ARHGAP8: variants seen among roughly 807,000 people sequenced by gnomAD.
ARHGAP8 encodes Rho GTPase activating protein 8.
A neutral mutation model predicts 46.1 loss-of-function variants in ARHGAP8; 62 were observed. The observed-to-expected ratio is 1.34, with a 90% CI of 1.10 to 1.66. The LOEUF is 1.66. ARHGAP8 is among the 40% of genes most tolerant of loss of function. The pLI, the probability that ARHGAP8 is intolerant of heterozygous loss-of-function variation, is 0.00. For missense variants in ARHGAP8, 923 were observed against 568.4 expected (o/e 1.62, Z -6.34); for synonymous variants, 375 against 243.1 (o/e 1.54, Z -5.05).
At position 44,763,659 on chromosome 22, in the gene ARHGAP8, G is replaced by A. The variant is rs140385408; in HGVS notation, c.-72+11032G>A. On this transcript the variant is annotated intron_variant, in intron 1 of 11. Coordinates refer to ENST00000356099, the MANE Select transcript of ARHGAP8 (RefSeq NM_181335.3). ...AAGGACAGGGCATTTGTAGATCAGG[G>A]TATTGAAATGGAAGTGCAAATGGAG... 4.4e-3 allele frequency among the ~76,000 whole-genome samples: 672 copies of A among 152,180 alleles called. 1 individual carries two copies. Among genetic ancestry groups the A allele is most frequent in the Middle Eastern group, 0.014 (4 of 294 alleles).
chr22:44,854,023 TCAAAAAAAAAA>T (rs1358308368), intron 10 of ARHGAP8, among the ~76,000 whole-genome samples: 5 of 24,908 alleles, frequency 2.0e-4, no homozygotes, highest in African/African-American at 3.0e-4. Context: ...AGACTCTGTC[TCAAAAAAAAAA>T]AAAAAAAAAA....
intron 7 of ARHGAP8, among the ~76,000 whole-genome samples, chr22:44,831,378 G>T (rs1003046886): frequency 6.6e-6 from 1 of 152,162 alleles, no homozygotes; most frequent in African/African-American, 2.4e-5. Flanking sequence ...TTCTTTGCGT[G>T]TTGTTACAGC....
In ARHGAP8 at chr22:44,804,928, G is replaced by A. The variant is rs148170591; in HGVS notation, c.167+2764G>A. ...CAGTGCACCAGTGCTGCTGCTGCAC[G>A]GCGAGACCTGCAGGATTCATGGGGC... is the stretch of plus-strand genomic sequence containing the variant. On this transcript the variant is annotated intron_variant, in intron 3 of 11. Coordinates refer to ENST00000356099, the MANE Select transcript of ARHGAP8 (RefSeq NM_181335.3). Among the ~76,000 whole-genome samples, 1,209 of 152,280 alleles carry A rather than the reference G, an allele frequency of 7.9e-3. 22 individuals carry two copies. Among genetic ancestry groups the A allele is most frequent in the African/African-American group, 0.028 (1,151 of 41,548 alleles).
At chr22:44,753,667 A>C (rs755363491) in intron 1 of ARHGAP8, among the ~76,000 whole-genome samples, 5 of 152,108 alleles carry the variant, frequency 3.3e-5, no homozygotes, top group Non-Finnish European at 5.9e-5. Flanking sequence ...CCTGACTTGG[A>C]AATTTCTCCG....
chr22:44,762,863 G>A (rs538022116), intron 1 of ARHGAP8, among the ~76,000 whole-genome samples: 20 of 152,110 alleles, frequency 1.3e-4, no homozygotes, highest in Admixed American at 2.6e-4. Context: ...TCTCTTGACC[G>A]TACCTGAGTT....
intron 2 of ARHGAP8, among the ~76,000 whole-genome samples, 156 bp downstream of exon 2, chr22:44,786,762 C>G (rs558451710): frequency 1.3e-5 from 2 of 152,118 alleles, no homozygotes; most frequent in Non-Finnish European, 2.9e-5. Flanking sequence ...TACCTTTAAT[C>G]CTAGCACTTT....
At chr22:44,777,697 G>A (rs1926522395) in intron 1 of ARHGAP8, among the ~76,000 whole-genome samples, 1 of 151,332 alleles carries the variant, frequency 6.6e-6, no homozygotes, top group South Asian at 2.1e-4. Flanking sequence ...ATTTTATTTA[G>A]TTAGTTGTTA....
intron 11 of ARHGAP8, among the ~76,000 whole-genome samples, chr22:44,860,429 T>TA (rs2070417092): frequency 1.3e-5 from 2 of 152,020 alleles, no homozygotes; most frequent in Admixed American, 1.3e-4. Flanking sequence ...CCCCCTGGCC[T>TA]TTGTCTGTGT....
intron 1 of ARHGAP8, among the ~76,000 whole-genome samples, chr22:44,778,868 C>T (rs913387689): frequency 1.3e-5 from 2 of 152,110 alleles, no homozygotes; most frequent in Non-Finnish European, 2.9e-5. Context: ...TCTAACCCCA[C>T]ATTAAAAGGT....
Position 44,862,683 on chromosome 22 carries a change from A to C in ARHGAP8, c.*88A>C, listed in dbSNP as rs1177322552. The C allele has an allele frequency of 8.6e-5, 123 of 1,433,590 alleles. No individual in the cohort carries two copies. Among genetic ancestry groups the C allele is most frequent in the Admixed American group, 5.2e-5 (2 of 38,432 alleles). 88.8% of individuals were successfully genotyped at this position (1,433,590 alleles called of 1,614,324 possible). On this transcript the variant is annotated 3_prime_UTR_variant, in exon 12 of 12. Coordinates refer to ENST00000356099, the MANE Select transcript of ARHGAP8 (RefSeq NM_181335.3). ...TGTAAACTTGGCATCTGTAAAAATA[A>C]CCAGCCATTAGATGAATTCAGAACC...
intron 1 of ARHGAP8, among the ~76,000 whole-genome samples, chr22:44,772,253 T>TTTTTTTTTTC (rs1555909610): frequency 5.5e-5 from 4 of 73,286 alleles, no homozygotes; most frequent in Admixed American, 1.9e-4. Flanking sequence ...TTTTTTTTTT[T>TTTTTTTTTTC]CAAGACTGAG....
In ARHGAP8 at chr22:44,862,620, G is replaced by C. The variant is rs6007347; in HGVS notation, c.*25G>C. 3.3e-5 allele frequency: 50 copies of C among 1,530,296 alleles called. No individual in the cohort carries two copies. The highest frequency in any genetic ancestry group is 6.1e-5 in the Admixed American group (3 of 49,172). The allele number at this position is 1,530,296 out of a possible 1,614,324, so 94.8% of individuals were successfully genotyped here. A position where few individuals can be genotyped will look rare whatever the true frequency, so the allele number is the denominator to read the frequency against. ...GTGTTGCGAACACTCTGTATATTTC[G>C]AGCTACCTCCCACACCTGTCTGTGC... On this transcript the variant is annotated 3_prime_UTR_variant, in exon 12 of 12. Coordinates refer to ENST00000356099, the MANE Select transcript of ARHGAP8 (RefSeq NM_181335.3).
intron 4 of ARHGAP8, among the ~76,000 whole-genome samples, chr22:44,810,545 G>T (rs1351347660): frequency 7.9e-5 from 12 of 152,178 alleles, no homozygotes; most frequent in Non-Finnish European, 1.5e-5. Context: ...CAGCCGGCAG[G>T]CTTTTATTAA....
chr22:44,797,680 G>A (rs553532103), intron 2 of ARHGAP8, among the ~76,000 whole-genome samples: 4 of 152,322 alleles, frequency 2.6e-5, no homozygotes, highest in East Asian at 1.9e-4. Context: ...AATCAGATGC[G>A]TGGCGTAAAT....
intron 11 of ARHGAP8, among the ~76,000 whole-genome samples, chr22:44,860,758 C>CGGGA (rs773511742): frequency 6.6e-6 from 1 of 151,854 alleles, no homozygotes; most frequent in Non-Finnish European, 1.5e-5. Context: ...GTGCAGCCAA[C>CGGGA]AGGGGAAGGT....
Position 44,862,476 on chromosome 22 carries a change from TGGGAACAG to T in ARHGAP8, c.1188_1195del (p.Arg400ProfsTer72), listed in dbSNP as rs765683369. On this transcript the variant is annotated frameshift_variant, in exon 12 of 12. Transcript: ENST00000356099. LOFTEE classifies it low-confidence loss of function (END_TRUNC). ...ACCTGGGGAGCACGGCCTGGCACCA[TGGGAACAG>T]GGGAGCAGGGCAGCCCCTTTGCAGG... 9.6e-5 allele frequency: 155 copies of T among 1,613,860 alleles called. No homozygotes were observed. The highest frequency in any genetic ancestry group is 1.7e-4 in the Middle Eastern group (1 of 6,060).
At chr22:44,833,161 A>G (rs1314059975) in intron 7 of ARHGAP8, among the ~76,000 whole-genome samples, 1 of 146,962 alleles carries the variant, frequency 6.8e-6, no homozygotes, top group African/African-American at 2.5e-5. Flanking sequence ...CAGTGGTGCA[A>G]TTATAGATCA....
intron 7 of ARHGAP8, among the ~76,000 whole-genome samples, chr22:44,836,728 G>A (rs1406657544): frequency 6.6e-6 from 1 of 151,968 alleles, no homozygotes; most frequent in African/African-American, 2.4e-5. Context: ...GGGACGTGTT[G>A]TATTTAGAAG....
chr22:44,826,046 G>A (rs932580116), intron 7 of ARHGAP8, among the ~76,000 whole-genome samples: 4 of 152,020 alleles, frequency 2.6e-5, no homozygotes, highest in Admixed American at 6.5e-5. Context: ...CCTGCCCTCC[G>A]GGTACACAGA....
Sources: allele counts gnomAD v4.1 joint callset (sites outside exome capture counted in the v4.1 genomes callset), GRCh38; gene constraint gnomAD v4.1.1; transcripts MANE v1.5; gene names NCBI Gene and HGNC (gene_info 2026-07-23, HGNC 2026-07-21).